SYT16: variants seen among roughly 807,000 people sequenced by gnomAD.
The protein encoded by SYT16 is synaptotagmin 16.
Under a neutral mutation model 61.4 loss-of-function variants are expected in SYT16, and 42 were observed. The observed-to-expected ratio is 0.68, with a 90% confidence interval of 0.53 to 0.89. The LOEUF (loss-of-function observed/expected upper bound fraction) is 0.89. Among genes scored for constraint, SYT16 ranks in the 40% least tolerant of loss-of-function variants. The pLI, the probability that SYT16 is intolerant of heterozygous loss-of-function variation, is 0.00. For missense variants in SYT16, 804 were observed against 807.3 expected, an observed-to-expected ratio of 1.00 and a Z score of 0.05; for synonymous variants, 314 against 302.3, an observed-to-expected ratio of 1.04 and a Z score of -0.40.
At chr14:62,092,190 A>ACC (rs1012564820) in intron 7 of SYT16, among the ~76,000 whole-genome samples, 1 of 97,518 alleles carries the variant, frequency 1.0e-5, no homozygotes, top group African/African-American at 3.4e-5. Context: ...ACACACACAC[A>ACC]CACACACACA....
intron 1 of SYT16, among the ~76,000 whole-genome samples, chr14:61,833,706 C>CTTTTT (rs11357318): frequency 1.7e-3 from 82 of 48,306 alleles, no homozygotes; most frequent in African/African-American, 1.9e-3. Context: ...CCAGCAGTGG[C>CTTTTT]TTTTTTTTTT....
At chr14:61,958,335 T>A (rs2050967180) in intron 1 of SYT16, among the ~76,000 whole-genome samples, 1 of 151,850 alleles carries the variant, frequency 6.6e-6, no homozygotes, top group African/African-American at 2.4e-5. Context: ...AGTATTTTTT[T>A]ATTTTTCTGT....
intron 3 of SYT16, among the ~76,000 whole-genome samples, chr14:62,052,308 A>T (rs7159466): frequency 0.06 from 9,209 of 152,228 alleles, 339 homozygotes; most frequent in Middle Eastern, 0.16. Flanking sequence ...TATCATTCCA[A>T]TTATGGCTTT....
intron 7 of SYT16, among the ~76,000 whole-genome samples, chr14:62,093,582 G>A (rs897308742): frequency 6.6e-6 from 1 of 152,008 alleles, no homozygotes; most frequent in African/African-American, 2.4e-5. Context: ...AATGAATTGG[G>A]CTTAGCTCAG....
intron 1 of SYT16, among the ~76,000 whole-genome samples, chr14:61,814,888 T>C (rs1195516606): frequency 6.6e-6 from 1 of 152,224 alleles, no homozygotes; most frequent in Non-Finnish European, 1.5e-5. Context: ...CAGCCCGAAG[T>C]CCTACAACCT....
chr14:62,032,882 T>C (rs1959318), intron 3 of SYT16, among the ~76,000 whole-genome samples: 50,748 of 151,756 alleles, frequency 0.33, 9,283 homozygotes, highest in African/African-American at 0.48. Flanking sequence ...AAGAAATTTG[T>C]ATCCCTAATT....
chr14:62,002,993 T>G (rs2053081761), intron 3 of SYT16, among the ~76,000 whole-genome samples: 1 of 151,918 alleles, frequency 6.6e-6, no homozygotes, highest in Non-Finnish European at 1.5e-5. Flanking sequence ...AACTTACACA[T>G]TATTATGAGA....
Position 61,817,484 on chromosome 14 carries a change from G to A in SYT16, c.-325+4674G>A, listed in dbSNP as rs11846965. Reference sequence around the variant, plus strand: ...CCTGTACTTCCTGATAGGAAGCACCGGGAAGGACACAATGCCACTTACTGT... The same window carrying A: ...CCTGTACTTCCTGATAGGAAGCACCAGGAAGGACACAATGCCACTTACTGT... On this transcript the variant is annotated intron_variant, in intron 1 of 7. Transcript: ENST00000683842. 9.3e-3 allele frequency among the ~76,000 whole-genome samples: 1,412 copies of A among 151,814 alleles called. 22 individuals are homozygous for A. Among genetic ancestry groups the A allele is most frequent in the African/African-American group, 0.033 (1,358 of 41,384 alleles).
At chr14:62,072,426 A>G (rs992963358) in intron 4 of SYT16, among the ~76,000 whole-genome samples, 2 of 152,046 alleles carry the variant, frequency 1.3e-5, no homozygotes, top group Non-Finnish European at 2.9e-5. Context: ...CATTGCAAAG[A>G]ATTGGGAAGG....
At chr14:61,911,557 T>G (rs912265860) in intron 1 of SYT16, among the ~76,000 whole-genome samples, 7 of 152,136 alleles carry the variant, frequency 4.6e-5, no homozygotes, top group African/African-American at 7.2e-5. Flanking sequence ...CCAAGACAGA[T>G]GAAAAAGAGG....
intron 3 of SYT16, among the ~76,000 whole-genome samples, chr14:62,016,281 A>G (rs912366842): frequency 6.6e-6 from 1 of 152,190 alleles, no homozygotes; most frequent in Non-Finnish European, 1.5e-5. Flanking sequence ...TGTAGCAAAG[A>G]TGAGAGAGAT....
intron 1 of SYT16, among the ~76,000 whole-genome samples, chr14:61,881,053 A>G (rs982044630): frequency 1.2e-4 from 19 of 152,158 alleles, no homozygotes; most frequent in African/African-American, 4.3e-4. Flanking sequence ...ATTTGCATCC[A>G]TGAAGCCCCC....
chr14:61,818,081 C>T (rs1405114972), intron 1 of SYT16, among the ~76,000 whole-genome samples: 2 of 152,140 alleles, frequency 1.3e-5, no homozygotes, highest in Non-Finnish European at 2.9e-5. Flanking sequence ...AAATAAATAA[C>T]GTTGGACTCC....
At chr14:62,054,360 G>GTTGTTTTTTTTTTTTTTTTTTTTT (rs1411904235) in intron 3 of SYT16, among the ~76,000 whole-genome samples, 5 of 118,266 alleles carry the variant, frequency 4.2e-5, no homozygotes, top group East Asian at 2.5e-4. Flanking sequence ...AGTGAAGTGA[G>GTTGTTTTTTTTTTTTTTTTTTTTT]TTTTTTTTTT....
At chr14:62,019,991 T>A (rs1477313630) in intron 3 of SYT16, among the ~76,000 whole-genome samples, 3 of 152,090 alleles carry the variant, frequency 2.0e-5, no homozygotes, top group African/African-American at 7.3e-5. Context: ...TTTAAATTTT[T>A]AAATAAAGAA....
chr14:61,959,572 A>C (rs1041103443), intron 1 of SYT16, among the ~76,000 whole-genome samples: 1 of 151,924 alleles, frequency 6.6e-6, no homozygotes, highest in African/African-American at 2.4e-5. Flanking sequence ...GTTTCTTGGT[A>C]TGTTATGTTT....
chr14:62,034,738 G>C (rs1402757422), intron 3 of SYT16, among the ~76,000 whole-genome samples: 1 of 152,144 alleles, frequency 6.6e-6, no homozygotes, highest in African/African-American at 2.4e-5. Flanking sequence ...GTTGGTGACA[G>C]GTAGTAGATA....
intron 1 of SYT16, among the ~76,000 whole-genome samples, chr14:61,853,729 C>T (rs1415024007): frequency 2.6e-5 from 4 of 152,112 alleles, no homozygotes; most frequent in African/African-American, 9.7e-5. Flanking sequence ...TGGACAAAGA[C>T]ACTTACATGT....
At chr14:61,881,796 T>A (rs2047709656) in intron 1 of SYT16, among the ~76,000 whole-genome samples, 1 of 152,204 alleles carries the variant, frequency 6.6e-6, no homozygotes, top group African/African-American at 2.4e-5. Flanking sequence ...AACTTCAACA[T>A]GTCCAAAATG....
Sources: allele counts gnomAD v4.1 joint callset (sites outside exome capture counted in the v4.1 genomes callset), GRCh38; gene constraint gnomAD v4.1.1; transcripts MANE v1.5; gene names NCBI Gene and HGNC (gene_info 2026-07-23, HGNC 2026-07-21).